The following SLC1A7 variants were observed in gnomAD, a reference collection of about 807,000 sequenced individuals.
SLC1A7 encodes the protein excitatory amino acid transporter 5.
Under a neutral mutation model 47.7 loss-of-function variants are expected in SLC1A7, and 40 were observed. That is an observed-to-expected ratio of 0.84 (90% CI 0.65 to 1.09). The LOEUF is 1.09. Ranked by LOEUF, SLC1A7 falls within the 50% of genes least tolerant of loss-of-function variation. The probability of loss-of-function intolerance (pLI) is 0.00; values close to 1 mark genes in which losing one functional copy is unlikely to be tolerated. For missense variants in SLC1A7, 746 were observed against 769.5 expected, an observed-to-expected ratio of 0.97 and a Z score of 0.36; for synonymous variants, 323 against 325.6, an observed-to-expected ratio of 0.99 and a Z score of 0.09.
chr1:53,108,383 T>G (rs987065363), intron 3 of SLC1A7: 61 of 595,050 alleles, frequency 1.0e-4, no homozygotes, highest in Admixed American at 1.6e-4. Flanking sequence ...TTACAATCAT[T>G]TTAAATGTGG....
chr1:53,090,214 C>T (rs113733812), intron 8 of SLC1A7: 8 of 571,850 alleles, frequency 1.4e-5, no homozygotes, highest in African/African-American at 1.3e-4. Context: ...AGCTATATTG[C>T]TATGGGGCTG....
intron 5 of SLC1A7, among the ~76,000 whole-genome samples, chr1:53,101,049 A>C (rs1242423786): frequency 9.6e-4 from 90 of 94,154 alleles, no homozygotes; most frequent in South Asian, 2.4e-3. Context: ...TACATTCACA[A>C]AACCCGCCTC....
At chr1:53,114,085 T>C (rs906869944) in intron 3 of SLC1A7, among the ~76,000 whole-genome samples, 2 of 152,150 alleles carry the variant, frequency 1.3e-5, no homozygotes, top group African/African-American at 4.8e-5. Flanking sequence ...CTGAGTCCCC[T>C]GGTCCAGGGC....
At chr1:53,140,890 G>A (rs934824535) in intron 1 of SLC1A7, among the ~76,000 whole-genome samples, 1 of 152,108 alleles carries the variant, frequency 6.6e-6, no homozygotes, top group Non-Finnish European at 1.5e-5. Flanking sequence ...GGCTTAACAG[G>A]GTCACTATAG....
intron 1 of SLC1A7, among the ~76,000 whole-genome samples, chr1:53,136,629 TA>T (rs1298446036): frequency 0.048 from 6,390 of 133,910 alleles, 323 homozygotes; most frequent in African/African-American, 0.067. Flanking sequence ...TAAACATATA[TA>T]ATATATAAAA....
intron 2 of SLC1A7, among the ~76,000 whole-genome samples, chr1:53,120,572 C>G (rs547067686): frequency 6.6e-6 from 1 of 152,340 alleles, no homozygotes; most frequent in African/African-American, 2.4e-5. Flanking sequence ...ACTCTCCATC[C>G]ACCATCCCTT....
At chr1:53,126,879 A>G (rs370409546) in intron 2 of SLC1A7, among the ~76,000 whole-genome samples, 2 of 135,602 alleles carry the variant, frequency 1.5e-5, no homozygotes, top group African/African-American at 2.7e-5. Context: ...TTTTTTTTTT[A>G]TGAGATAAGG....
chr1:53,121,824 T>C (rs896025996), intron 2 of SLC1A7, among the ~76,000 whole-genome samples: 1 of 152,160 alleles, frequency 6.6e-6, no homozygotes, highest in Non-Finnish European at 1.5e-5. Context: ...GTGAGTCACC[T>C]GGGACGCGGG....
chr1:53,096,922 A>G (rs12753746), intron 5 of SLC1A7, among the ~76,000 whole-genome samples: 20,022 of 148,088 alleles, frequency 0.14, 1,462 homozygotes, highest in Middle Eastern at 0.19. Context: ...CCCCCTCAGT[A>G]CACTCACATA....
chr1:53,092,878 G>C, intron 6 of SLC1A7, 91 bp from the exon 7 acceptor site: 1 of 799,244 alleles, frequency 1.3e-6, no homozygotes, highest in Non-Finnish European at 2.1e-6. Context: ...TTCCCCCTGA[G>C]CTTCCTGGGG....
chr1:53,089,808 G>A lies in SLC1A7; in HGVS notation c.1353C>T (p.Asp451=). ...TDDITLIIAV[D]WALDRFRTMI... ...AGGCAAAGTCCACTCACAGAGCCCA[G>A]TCAACGGCAATGATGAGGGTGATGT... Residue 451 remains aspartate (D), a synonymous_variant, in exon 9 of 11, where the codon GAC becomes GAT. Transcript: ENST00000371494. The A allele has an allele frequency of 6.2e-7, 1 of 1,613,978 alleles. No individual in the cohort carries two copies. Among genetic ancestry groups the A allele is most frequent in the South Asian group, 1.1e-5 (1 of 91,066 alleles).
chr1:53,099,234 C>CCACCT (rs1553162220), intron 5 of SLC1A7, among the ~76,000 whole-genome samples: 3,440 of 25,372 alleles, frequency 0.14, 209 homozygotes, highest in African/African-American at 0.26. Context: ...CACTCACACA[C>CCACCT]CGCCTCGGTA....
rs1197390554 is a variant in SLC1A7 at position 53,087,659 on chromosome 1, G to T, written c.*350C>A. 5.6e-6 allele frequency: 1 copy of T among 178,440 alleles called. No individual in the cohort carries two copies. The highest frequency in any genetic ancestry group is 2.3e-5 in the African/African-American group (1 of 42,628). 11.1% of individuals were successfully genotyped at this position (178,440 alleles called of 1,614,324 possible). A position where few individuals can be genotyped will look rare whatever the true frequency, so the allele number is the denominator to read the frequency against. On this transcript the variant is annotated 3_prime_UTR_variant, in exon 11 of 11. Transcript: ENST00000371494. The stretch of plus-strand genomic sequence containing the variant: ...TTTGAGTTAGTGTCTTGACCTTAAC[G>T]TGAGACCTTGGACAAGTGTTTTCAG...
chr1:53,089,935 C>T lies in SLC1A7; in HGVS notation c.1227-1G>A, dbSNP rs776965478. Reference sequence around the variant, plus strand: ...AATGCTGGCTGCAGTGGCTGTGATACTGCAGGGGGTGGGAAGGGGAAGAGG... The same window carrying T: ...AATGCTGGCTGCAGTGGCTGTGATATTGCAGGGGGTGGGAAGGGGAAGAGG... On this transcript the variant is annotated splice_acceptor_variant, in intron 8 of 10. Transcript: ENST00000371494. LOFTEE classifies it high-confidence loss of function. 2 of 1,613,040 alleles carry T rather than the reference C, an allele frequency of 1.2e-6. No individual in the cohort carries two copies. Among genetic ancestry groups the T allele is most frequent in the Non-Finnish European group, 1.7e-6 (2 of 1,179,754 alleles).
At chr1:53,142,272 G>T (rs202070338) in intron 1 of SLC1A7, 43 bp downstream of exon 1, 3 of 1,541,410 alleles carry the variant, frequency 1.9e-6, no homozygotes, top group East Asian at 4.9e-5. Flanking sequence ...AGGCCCACAC[G>T]CCCCTCCTGG....
chr1:53,130,311 T>C (rs1644929642), intron 2 of SLC1A7, among the ~76,000 whole-genome samples: 1 of 151,966 alleles, frequency 6.6e-6, no homozygotes, highest in African/African-American at 2.4e-5. Flanking sequence ...GATAGACCCT[T>C]GTGGCATGCT....
chr1:53,120,821 C>T (rs529416634), intron 2 of SLC1A7, among the ~76,000 whole-genome samples: 1 of 152,360 alleles, frequency 6.6e-6, no homozygotes, highest in South Asian at 2.1e-4. Flanking sequence ...CTTCTCCTTT[C>T]CTGTCCTGTG....
chr1:53,095,998 C>T (rs116784368), intron 5 of SLC1A7, among the ~76,000 whole-genome samples: 4,745 of 148,090 alleles, frequency 0.032, 245 homozygotes, highest in African/African-American at 0.11. Flanking sequence ...ACACACACCC[C>T]GCCTCAGTAC....
chr1:53,088,183 G>T lies in SLC1A7; in HGVS notation c.1509C>A (p.Ile503=). The T allele has an allele frequency of 6.2e-7, 1 of 1,613,242 alleles. No individual in the cohort carries two copies. Among genetic ancestry groups the T allele is most frequent in the Non-Finnish European group, 8.5e-7 (1 of 1,179,536 alleles). The stretch of plus-strand genomic sequence containing the variant: ...CACAGCCATTCTGCTGGGCTGCCAC[G>T]ATCTCCTGGAGGCTCACTGGCTTGG... ...CETKPVSLQE[I]VAAQQNGCVK... Residue 503 remains isoleucine (I), a synonymous_variant, in exon 11 of 11, where the codon ATC becomes ATA. Coordinates refer to ENST00000371494, the MANE Select transcript of SLC1A7 (RefSeq NM_006671.6).
Sources: allele counts gnomAD v4.1 joint callset (sites outside exome capture counted in the v4.1 genomes callset), GRCh38; gene constraint gnomAD v4.1.1; transcripts MANE v1.5; gene names NCBI Gene and HGNC (gene_info 2026-07-23, HGNC 2026-07-21).